TJP3: variants seen among roughly 807,000 people sequenced by gnomAD.
TJP3 encodes tight junction protein ZO-3.
TJP3 carries 85 observed loss-of-function variants against 104.2 expected under a neutral mutation model. That is an observed-to-expected ratio of 0.82 (90% confidence interval 0.68 to 0.98). TJP3 has a LOEUF of 0.98. Among genes scored for constraint, TJP3 ranks in the 50% least tolerant of loss-of-function variants. TJP3 has a pLI of 0.00. For synonymous variants in TJP3, 550 were observed against 550.6 expected, an observed-to-expected ratio of 1.00 and a Z score of 0.02; for missense variants, 1,367 against 1,322.8, an observed-to-expected ratio of 1.03 and a Z score of -0.52.
In TJP3 at chr19:3,730,037, C is replaced by A; in HGVS notation, c.168C>A (p.Asp56Glu). Residue 56 changes from aspartate (D) to glutamate (E), a missense_variant, in exon 4 of 21, where the codon GAC (aspartate) becomes GAA (glutamate). Asp to Glu is a conservative substitution (Grantham distance 45, BLOSUM62 2). Coordinates refer to ENST00000541714, the MANE Select transcript of TJP3 (RefSeq NM_001267560.2). The surrounding 1 kb of genome is among the most constrained non-coding windows in gnomAD (Gnocchi z 7.3). ...GPAEGRLQTGDHIVMVNGVSM... is the reference protein window; with the variant it reads ...GPAEGRLQTGEHIVMVNGVSM... The stretch of plus-strand genomic sequence containing the variant: ...CGCCCTCCTCTCTCAGGACAGGCGA[C>A]CACATCGTCATGGTGAACGGGGTTT... 1.2e-6 allele frequency: 2 copies of A among 1,614,016 alleles called. No homozygotes were observed. Among genetic ancestry groups the A allele is most frequent in the Middle Eastern group, 1.6e-4 (1 of 6,062 alleles).
At chr19:3,720,341 T>C (rs1026042300) in intron 1 of TJP3, among the ~76,000 whole-genome samples, 32 of 152,308 alleles carry the variant, frequency 2.1e-4, no homozygotes, top group African/African-American at 7.2e-4. Context: ...AGGTGAGATG[T>C]CATCTTCGGG....
Position 3,728,675 on chromosome 19 carries a change from T to C in TJP3, c.120T>C (p.Ser40=), listed in dbSNP as rs142949186. 1,943 of 1,613,808 alleles carry C rather than the reference T, an allele frequency of 1.2e-3. 5 individuals are homozygous for C. Among genetic ancestry groups the C allele is most frequent in the Non-Finnish European group, 1.3e-3 (1,490 of 1,179,998 alleles). ...GGCCCGGTGGATCCATGGTTGTATC[T>C]GACGTGGTACCTGGAGGGCCGGCGG... ...RDRPGGSMVV[S]DVVPGGPAEG... The change falls in exon 3 of 21, where the codon TCT becomes TCC. Residue 40 remains serine (S), a synonymous_variant. Transcript: ENST00000541714.
intron 13 of TJP3, among the ~76,000 whole-genome samples, chr19:3,739,676 G>T (rs1406926614): frequency 1.3e-5 from 2 of 152,122 alleles, no homozygotes; most frequent in Non-Finnish European, 2.9e-5. Context: ...GTTCTGGAGA[G>T]CAAAAGTACT....
intron 6 of TJP3, among the ~76,000 whole-genome samples, chr19:3,733,017 TTTCTC>T (rs760407711): frequency 7.5e-6 from 1 of 133,736 alleles, no homozygotes; most frequent in African/African-American, 2.6e-5. Context: ...TCTCTTTTCT[TTTCTC>T]TTCTCTTTTT....
intron 14 of TJP3, among the ~76,000 whole-genome samples, chr19:3,743,512 C>T (rs1319092942): frequency 6.6e-6 from 1 of 152,202 alleles, no homozygotes; most frequent in Non-Finnish European, 1.5e-5. Flanking sequence ...TAGCCATAGA[C>T]AGGACATAAA....
chr19:3,729,957 C>T, intron 3 of TJP3, 71 bp from the exon 4 acceptor site: 1 of 1,322,152 alleles, frequency 7.6e-7, no homozygotes, highest in Admixed American at 1.7e-5. Context: ...GGCACCCCCT[C>T]CCCAGGGAGG....
intron 1 of TJP3, among the ~76,000 whole-genome samples, chr19:3,724,741 G>T (rs1273050229): frequency 6.6e-6 from 1 of 152,034 alleles, no homozygotes; most frequent in African/African-American, 2.4e-5. Context: ...GTCTCACTAT[G>T]TTGCTCAGGT....
At chr19:3,725,126 G>A (rs917270954) in intron 1 of TJP3, among the ~76,000 whole-genome samples, 1 of 152,122 alleles carries the variant, frequency 6.6e-6, no homozygotes, top group African/African-American at 2.4e-5. Context: ...GCTGTGTGTG[G>A]TGGTGCATGC....
chr19:3,744,972 G>A (rs1015142864), intron 15 of TJP3, among the ~76,000 whole-genome samples: 5 of 151,928 alleles, frequency 3.3e-5, no homozygotes, highest in African/African-American at 1.2e-4. Flanking sequence ...TTTTGGCTGG[G>A]TGTGGTGGCT....
chr19:3,744,117 AATAATG>A, intron 15 of TJP3, 83 bp downstream of exon 15: 1 of 1,289,658 alleles, frequency 7.8e-7, no homozygotes, highest in South Asian at 1.2e-5. Context: ...GGAGAGTTAG[AATAATG>A]ATGGCAAACA....
chr19:3,747,912 G>A lies in TJP3; in HGVS notation c.2441G>A (p.Gly814Asp), dbSNP rs10408494. 8.5e-3 allele frequency: 13,777 copies of A among 1,613,232 alleles called. 999 individuals are homozygous for A. The African/African-American group carries it at 0.16, about 19-fold the overall frequency. Residue 814 changes from glycine (G) to aspartate (D), a missense_variant, in exon 19 of 21, where the codon GGC becomes GAC. Transcript: ENST00000541714. ...GACTACGAGACGGACGGCGAGGGCG[G>A]CGCGTACACGGATGGCGAGGGCTAC... ...NSDYETDGEG[G>D]AYTDGEGYTD...
At chr19:3,740,490 A>G (rs1307513503) in intron 13 of TJP3, 62 bp from the exon 14 acceptor site, 2 of 1,146,716 alleles carry the variant, frequency 1.7e-6, no homozygotes, top group African/African-American at 3.2e-5. Flanking sequence ...TAGGACGAGG[A>G]CGTCTTTGGG....
rs758722057 is a variant in TJP3 at position 3,739,126 on chromosome 19, C to T, written c.1623C>T (p.Asn541=). 3 of 1,556,408 alleles carry T rather than the reference C, an allele frequency of 1.9e-6. No individual in the cohort carries two copies. Among genetic ancestry groups the T allele is most frequent in the East Asian group, 2.3e-5 (1 of 44,034 alleles). The change falls in exon 13 of 21, where the codon AAC becomes AAT. Residue 541 remains asparagine, a synonymous_variant. Coordinates refer to ENST00000541714, the MANE Select transcript of TJP3 (RefSeq NM_001267560.2). ...AGCAAGAGCGGGGCATCATTCCCAA[C>T]CAGAGCAGGTGGGGACTGTGTGCTC... The part of the protein sequence containing the change: ...LREQERGIIP[N]QSRAEQLASL...
rs2036777463 is a variant in TJP3 at position 3,739,078 on chromosome 19, G to A, written c.1575G>A (p.Val525=). ...SHARGGHWLA[V]RMGRDLREQE... ...CACGAGGAGGCCACTGGCTGGCGGT[G>A]CGCATGGGTCGTGACCTGCGGGAGC... The change falls in exon 13 of 21, where the codon GTG becomes GTA. Residue 525 remains valine (V), a synonymous_variant. Transcript: ENST00000541714. 1 of 1,605,138 alleles carries A rather than the reference G, an allele frequency of 6.2e-7. No individual in the cohort carries two copies. Among genetic ancestry groups the A allele is most frequent in the African/African-American group, 1.3e-5 (1 of 74,794 alleles).
chr19:3,708,917 G>A (rs1262940977), intron 1 of TJP3, among the ~76,000 whole-genome samples: 1 of 152,078 alleles, frequency 6.6e-6, no homozygotes, highest in Non-Finnish European at 1.5e-5. Context: ...CGGAGCCTGG[G>A]TTTACCTCCT....
chr19:3,736,987 A>C (rs542661104), intron 11 of TJP3, among the ~76,000 whole-genome samples: 20 of 149,258 alleles, frequency 1.3e-4, no homozygotes, highest in Non-Finnish European at 2.8e-4. Flanking sequence ...TCAAGGGATC[A>C]TCCTGACTCA....
At chr19:3,749,872 T>C (rs1346831272) in intron 19 of TJP3, among the ~76,000 whole-genome samples, 2 of 152,192 alleles carry the variant, frequency 1.3e-5, no homozygotes, top group Non-Finnish European at 2.9e-5. Flanking sequence ...CATGAACTCA[T>C]GGCTGTGGCC....
chr19:3,717,405 TTATATATA>T lies in TJP3; in HGVS notation c.-10+8861_-10+8868del, dbSNP rs112882829. On this transcript the variant is annotated intron_variant, in intron 1 of 20. Coordinates refer to ENST00000541714, the MANE Select transcript of TJP3 (RefSeq NM_001267560.2). ...GTGAGCCACTGTGCCCAGCCATAGC[TTATATATA>T]TATATATATATATATAATTTTATTT... Among the ~76,000 whole-genome samples the T allele has an allele frequency of 2.3e-3, 310 of 133,746 alleles. 1 individual carries two copies. Among genetic ancestry groups the T allele is most frequent in the Non-Finnish European group, 3.6e-3 (223 of 61,524 alleles). 87.7% of individuals were successfully genotyped at this position (133,746 alleles called of 152,430 possible).
At chr19:3,718,530 G>A (rs568492658) in intron 1 of TJP3, among the ~76,000 whole-genome samples, 79 of 151,170 alleles carry the variant, frequency 5.2e-4, no homozygotes, top group African/African-American at 1.6e-3. Context: ...GTGCAGTGGC[G>A]CAATCTTGGC....
Sources: gnomAD v4.1 joint callset for allele counts (sites outside exome capture counted in the v4.1 genomes callset) on GRCh38, gnomAD v4.1.1 for gene constraint, Gnocchi (gnomAD v3.1) non-coding constraint, MANE v1.5 for transcripts, NCBI Gene and HGNC (gene_info 2026-07-23, HGNC 2026-07-21) for gene names.